ZNF704: variants seen among roughly 807,000 people sequenced by gnomAD.
ZNF704 encodes zinc finger protein 704.
In ZNF704, 10 loss-of-function variants were observed where a neutral mutation model predicts 44.7. The ratio of observed to expected loss-of-function variants is 0.22; its 90% CI spans 0.14 to 0.38. The LOEUF (loss-of-function observed/expected upper bound fraction) is 0.38. Among genes scored for constraint, ZNF704 ranks in the 10% least tolerant of loss-of-function variants. The pLI, the probability that ZNF704 is intolerant of heterozygous loss-of-function variation, is 1.00. For missense variants in ZNF704, 390 were observed against 545.5 expected (o/e 0.71, Z 2.84); for synonymous variants, 211 against 207.6 (o/e 1.02, Z -0.14).
rs1226158202 is a variant in ZNF704, at chr8:80,633,872, T to C, written c.*7494A>G. 1 of 152,222 alleles carries C rather than the reference T, an allele frequency of 6.6e-6. No individual in the cohort carries two copies. Among genetic ancestry groups the C allele is most frequent in the Non-Finnish European group, 1.5e-5 (1 of 68,036 alleles). 9.4% of individuals were successfully genotyped at this position (152,222 alleles called of 1,614,324 possible). On this transcript the variant is annotated 3_prime_UTR_variant, in exon 9 of 9. Coordinates refer to ENST00000327835, the MANE Select transcript of ZNF704 (RefSeq NM_001033723.3). Reference sequence around the variant, plus strand: ...GCAACTTCTAATTTTTTTCATGACATAATTTATTCTCATTTTGCTTTCCCC... The same window carrying C: ...GCAACTTCTAATTTTTTTCATGACACAATTTATTCTCATTTTGCTTTCCCC...
the ZNF704 span, among the ~76,000 whole-genome samples, chr8:80,881,757 A>G: frequency 6.6e-6 from 1 of 152,044 alleles, no homozygotes; most frequent in Non-Finnish European, 1.5e-5. Flanking sequence ...GCAAAATCCC[A>G]TCTCTACTAA....
chr8:80,792,821 A>C (rs906515752), intron 2 of ZNF704, among the ~76,000 whole-genome samples: 2 of 152,184 alleles, frequency 1.3e-5, no homozygotes, highest in African/African-American at 4.8e-5. Context: ...TGTGCTCAGA[A>C]GTGGATTTAT....
rs1817545384 is a variant in ZNF704, at chr8:80,629,059, A to ATTT, written c.*12306_*12307insAAA. The ATTT allele has an allele frequency of 8.4e-6, 1 of 118,970 alleles. No homozygotes were observed. Among genetic ancestry groups the ATTT allele is most frequent in the African/African-American group, 5.1e-5 (1 of 19,628 alleles). 7.4% of individuals were successfully genotyped at this position (118,970 alleles called of 1,614,324 possible). A position where few individuals can be genotyped will look rare whatever the true frequency, so the allele number is the denominator to read the frequency against. On this transcript the variant is annotated 3_prime_UTR_variant, in exon 9 of 9. Coordinates refer to ENST00000327835, the MANE Select transcript of ZNF704 (RefSeq NM_001033723.3). ...TATTTAGGAAACATTTTTTTTTTTA[A>ATTT]AAAACGAACACACAAAGTCCAAAAC...
At chr8:80,684,800 G>A (rs1438966355) in intron 4 of ZNF704, among the ~76,000 whole-genome samples, 1 of 152,062 alleles carries the variant, frequency 6.6e-6, no homozygotes, top group Non-Finnish European at 1.5e-5. Context: ...TATTCTCAGG[G>A]CAATAAGCAT....
intron 2 of ZNF704, among the ~76,000 whole-genome samples, chr8:80,809,092 G>C (rs1808041387): frequency 6.6e-6 from 1 of 152,190 alleles, no homozygotes; most frequent in Admixed American, 6.5e-5. Flanking sequence ...AGGAGTTCTA[G>C]ACCAACTTGG....
At chr8:80,873,698 G>A (rs1563585319) in intron 1 of ZNF704, 5 of 154,412 alleles carry the variant, frequency 3.2e-5, no homozygotes. Flanking sequence ...CTCCTCCTCC[G>A]CGCCCCCTCG....
intron 1 of ZNF704, among the ~76,000 whole-genome samples, chr8:80,843,361 A>G (rs1420652885): frequency 6.6e-6 from 1 of 152,234 alleles, no homozygotes; most frequent in African/African-American, 2.4e-5. Flanking sequence ...AAGACCATAT[A>G]CAGGGCAAAT....
chr8:80,876,616 T>A (rs1223259653), upstream of ZNF704, among the ~76,000 whole-genome samples: 2 of 152,212 alleles, frequency 1.3e-5, no homozygotes, highest in African/African-American at 2.4e-5. Context: ...TTACCAGCTT[T>A]ACTTTTACTC....
intron 2 of ZNF704, among the ~76,000 whole-genome samples, chr8:80,767,664 T>C (rs1807249991): frequency 6.6e-6 from 1 of 152,216 alleles, no homozygotes. Context: ...TTTGTAAACT[T>C]ATTGATACTA....
At chr8:80,786,340 C>G (rs1347994727) in intron 2 of ZNF704, among the ~76,000 whole-genome samples, 1 of 152,194 alleles carries the variant, frequency 6.6e-6, no homozygotes, top group African/African-American at 2.4e-5. Context: ...AGTCAGCTAT[C>G]TGGACAACCC....
In ZNF704 at chr8:80,687,229, T is replaced by C; in HGVS notation, c.555A>G (p.Arg185=). Reference sequence around the variant, plus strand: ...GACCGCGTGGCTGACCACCAACCTTTCTTTTCCTGGGAATGGGCTCGTCGA... The same window carrying C: ...GACCGCGTGGCTGACCACCAACCTTCCTTTTCCTGGGAATGGGCTCGTCGA... ...LLFDEPIPRK[R]KNSMKVMFKC... The change falls in exon 4 of 9, where the codon AGA becomes AGG. Residue 185 remains arginine, a synonymous_variant. Transcript: ENST00000327835. 1.2e-6 allele frequency: 2 copies of C among 1,610,838 alleles called. No homozygotes were observed. The highest frequency in any genetic ancestry group is 1.7e-6 in the Non-Finnish European group (2 of 1,178,262).
In ZNF704 at chr8:80,628,917, T is replaced by A. The variant is rs1448705686; in HGVS notation, c.*12449A>T. The A allele has an allele frequency of 1.3e-5, 2 of 152,274 alleles. No homozygotes were observed. Among genetic ancestry groups the A allele is most frequent in the East Asian group, 3.8e-4 (2 of 5,204 alleles). The allele number at this position is 152,274 out of a possible 1,614,324, so 9.4% of individuals were successfully genotyped here. ...TTTCAAGTAGATGCCAGCTGTCCCC[T>A]TGGGAAAGTGCAGTTTAACTGGTAT... On this transcript the variant is annotated 3_prime_UTR_variant, in exon 9 of 9. Transcript: ENST00000327835.
upstream of ZNF704, among the ~76,000 whole-genome samples, chr8:80,876,609 C>T (rs1809359408): frequency 6.6e-6 from 1 of 152,176 alleles, no homozygotes; most frequent in South Asian, 2.1e-4. Flanking sequence ...CTGGAACTTA[C>T]CAGCTTTACT....
intron 3 of ZNF704, among the ~76,000 whole-genome samples, chr8:80,690,765 T>C (rs1446508970): frequency 6.6e-6 from 1 of 152,164 alleles, no homozygotes; most frequent in Non-Finnish European, 1.5e-5. Flanking sequence ...TCCCAACACT[T>C]TGGGAGGCCA....
intron 1 of ZNF704, among the ~76,000 whole-genome samples, chr8:80,821,977 T>A (rs908092337): frequency 6.6e-6 from 1 of 152,224 alleles, no homozygotes; most frequent in Non-Finnish European, 1.5e-5. Flanking sequence ...TCAGTCTGAT[T>A]ATCATGTTTA....
chr8:80,675,452 G>A (rs1002194745), intron 4 of ZNF704, among the ~76,000 whole-genome samples: 2 of 151,226 alleles, frequency 1.3e-5, no homozygotes. Flanking sequence ...GAGTGACACT[G>A]TATGACTTAA....
intron 2 of ZNF704, among the ~76,000 whole-genome samples, chr8:80,735,818 TTTAA>T (rs1184481625): frequency 2.6e-5 from 4 of 152,244 alleles, no homozygotes; most frequent in African/African-American, 9.6e-5. Context: ...AGACCTTCTA[TTTAA>T]ACAAACTAGT....
Position 80,821,362 on chromosome 8 carries a change from A to C in ZNF704, c.221+12T>G, listed in dbSNP as rs1808266060. On this transcript the variant is annotated intron_variant, in intron 2 of 8. Transcript: ENST00000327835. The stretch of plus-strand genomic sequence containing the variant: ...CTGGGGCAGACACATGTGAGATTTA[A>C]TGTTCCCTTACCTTGCTGGAGGAAC... The C allele has an allele frequency of 6.2e-7, 1 of 1,612,976 alleles. No individual in the cohort carries two copies. The highest frequency in any genetic ancestry group is 1.1e-5 in the South Asian group (1 of 90,894).
chr8:80,766,349 C>T (rs914052078), intron 2 of ZNF704, among the ~76,000 whole-genome samples: 1 of 152,124 alleles, frequency 6.6e-6, no homozygotes, highest in Non-Finnish European at 1.5e-5. Context: ...GGAAGTCATT[C>T]TTCAGATGGG....
Sources: gnomAD v4.1 joint callset for allele counts (sites outside exome capture counted in the v4.1 genomes callset) on GRCh38, gnomAD v4.1.1 for gene constraint, MANE v1.5 for transcripts, NCBI Gene and HGNC (gene_info 2026-07-23, HGNC 2026-07-21) for gene names.